NMNAT3: variants seen among roughly 807,000 people sequenced by gnomAD.
NMNAT3 encodes nicotinamide/nicotinic acid mononucleotide adenylyltransferase 3.
NMNAT3 carries 21 observed loss-of-function variants against 24.8 expected under a neutral mutation model. The ratio of observed to expected loss-of-function variants is 0.85; its 90% confidence interval spans 0.60 to 1.22. NMNAT3 has a LOEUF of 1.22. Among genes scored for constraint, NMNAT3 ranks in the 50% most tolerant of loss-of-function variants. NMNAT3 has a pLI of 0.00. For synonymous variants in NMNAT3, 136 were observed against 155.2 expected, an observed-to-expected ratio of 0.88 and a Z score of 0.92; for missense variants, 387 against 436.6, an observed-to-expected ratio of 0.89 and a Z score of 1.01.
At chr3:139,662,270 T>A (rs2057440219) in intron 1 of NMNAT3, among the ~76,000 whole-genome samples, 1 of 152,176 alleles carries the variant, frequency 6.6e-6, no homozygotes, top group South Asian at 2.1e-4. Flanking sequence ...TGGAGTCAGA[T>A]GAACCTAATT....
chr3:139,609,113 A>T (rs966216102), intron 3 of NMNAT3, among the ~76,000 whole-genome samples: 1 of 152,250 alleles, frequency 6.6e-6, no homozygotes, highest in Non-Finnish European at 1.5e-5. Flanking sequence ...GTATGGATGT[A>T]TCACAGTTTA....
At chr3:139,569,043 A>G (rs934855162) in intron 6 of NMNAT3, 1 of 152,210 alleles carries the variant, frequency 6.6e-6, no homozygotes, top group African/African-American at 2.4e-5. Flanking sequence ...GGGTGCATAT[A>G]TATTTAGGAT....
chr3:139,675,135 TACACACAC>T (rs148834873), intron 1 of NMNAT3, among the ~76,000 whole-genome samples: 1 of 148,228 alleles, frequency 6.7e-6, no homozygotes, highest in Admixed American at 6.7e-5. Context: ...CTTTTAAACA[TACACACAC>T]ACACACACAC....
intron 5 of NMNAT3, among the ~76,000 whole-genome samples, chr3:139,577,183 G>C (rs1939454521): frequency 6.6e-6 from 1 of 152,082 alleles, no homozygotes; most frequent in African/African-American, 2.4e-5. Flanking sequence ...GCTCACTCCT[G>C]TATTTTGCAG....
chr3:139,600,235 T>G (rs2054650510), intron 3 of NMNAT3, among the ~76,000 whole-genome samples: 1 of 152,204 alleles, frequency 6.6e-6, no homozygotes, highest in African/African-American at 2.4e-5. Flanking sequence ...TCTTAAGAAT[T>G]TGGCAAAGTA....
intron 1 of NMNAT3, among the ~76,000 whole-genome samples, chr3:139,669,478 G>GA (rs61403161): frequency 0.32 from 18,876 of 59,124 alleles, 2,951 homozygotes; most frequent in African/African-American, 0.37. Flanking sequence ...CCCTGTCTCA[G>GA]AAAAAAAAAA....
chr3:139,606,667 G>A (rs2054960008), intron 3 of NMNAT3, among the ~76,000 whole-genome samples: 1 of 152,174 alleles, frequency 6.6e-6, no homozygotes, highest in South Asian at 2.1e-4. Context: ...AAATTAGTTT[G>A]TAAAATAGTT....
chr3:139,587,263 C>G (rs1409353911), intron 3 of NMNAT3, among the ~76,000 whole-genome samples: 1 of 152,188 alleles, frequency 6.6e-6, no homozygotes, highest in East Asian at 1.9e-4. Context: ...TAGCAGTCAG[C>G]AGGTGCCTGG....
At chr3:139,618,975 C>A (rs1365162949) in intron 3 of NMNAT3, among the ~76,000 whole-genome samples, 1 of 152,194 alleles carries the variant, frequency 6.6e-6, no homozygotes, top group Non-Finnish European at 1.5e-5. Context: ...GAACGTGATT[C>A]TCCTCCACTG....
intron 1 of NMNAT3, 45 bp downstream of exon 1, chr3:139,677,660 G>A (rs1032190283): frequency 6.6e-6 from 1 of 152,130 alleles, no homozygotes; most frequent in Non-Finnish European, 1.5e-5. Context: ...ATTCAGCCGC[G>A]ATCCAGGTCC....
chr3:139,627,977 G>T (rs572718612), intron 2 of NMNAT3, among the ~76,000 whole-genome samples: 1 of 152,150 alleles, frequency 6.6e-6, no homozygotes, highest in Admixed American at 6.5e-5. Context: ...CCTTTTTAAC[G>T]ACCCTGAGTG....
chr3:139,596,750 G>T (rs986467674), intron 3 of NMNAT3, among the ~76,000 whole-genome samples: 2 of 151,544 alleles, frequency 1.3e-5, no homozygotes, highest in Non-Finnish European at 2.9e-5. Context: ...TTTTTGTGAG[G>T]AGCTGGTCAT....
At chr3:139,665,138 A>G (rs924492153) in intron 1 of NMNAT3, among the ~76,000 whole-genome samples, 2 of 152,182 alleles carry the variant, frequency 1.3e-5, no homozygotes, top group African/African-American at 4.8e-5. Context: ...GGGAGACTCT[A>G]CAGAAACTAG....
chr3:139,561,459 G>A, intron 6 of NMNAT3, 67 bp from the exon 7 acceptor site: 1 of 1,466,118 alleles, frequency 6.8e-7, no homozygotes, highest in Non-Finnish European at 9.1e-7. Context: ...CAACATCATT[G>A]GAAAGTCTCA....
intron 2 of NMNAT3, among the ~76,000 whole-genome samples, chr3:139,629,424 G>A (rs548588296): frequency 2.6e-5 from 4 of 152,230 alleles, no homozygotes; most frequent in African/African-American, 9.6e-5. Flanking sequence ...CTGAATTCAC[G>A]ACCCACAGAA....
At chr3:139,636,560 G>A (rs1315402358) in intron 2 of NMNAT3, 1 of 152,164 alleles carries the variant, frequency 6.6e-6, no homozygotes, top group East Asian at 1.9e-4. Flanking sequence ...GCAGTTTAAT[G>A]ATTTTCTGAT....
intron 5 of NMNAT3, chr3:139,575,932 C>A: frequency 7.8e-7 from 1 of 1,288,732 alleles, no homozygotes. Flanking sequence ...CAGATGGGAG[C>A]TCCACGTCCT....
chr3:139,589,095 C>G (rs947315636), intron 3 of NMNAT3, among the ~76,000 whole-genome samples: 1 of 152,092 alleles, frequency 6.6e-6, no homozygotes, highest in East Asian at 1.9e-4. Context: ...AAACAGCCAC[C>G]AGGAGCAAAG....
chr3:139,596,916 G>A (rs868467183), intron 3 of NMNAT3, among the ~76,000 whole-genome samples: 6 of 97,148 alleles, frequency 6.2e-5, no homozygotes, highest in African/African-American at 1.7e-4. Flanking sequence ...TGTCATGTGT[G>A]TATATATATA....
Sources: gnomAD v4.1 joint callset for allele counts (sites outside exome capture counted in the v4.1 genomes callset) on GRCh38, gnomAD v4.1.1 for gene constraint, MANE v1.5 for transcripts, NCBI Gene and HGNC (gene_info 2026-07-23, HGNC 2026-07-21) for gene names.